SNED1: variants seen among roughly 807,000 people sequenced by gnomAD.
SNED1 encodes the protein sushi, nidogen and EGF-like domain-containing protein 1.
A neutral mutation model predicts 166.7 loss-of-function variants in SNED1; 81 were observed. The observed-to-expected ratio is 0.49, with a 90% CI of 0.41 to 0.58. SNED1 has a LOEUF of 0.58. SNED1 is among the 20% of genes least tolerant of loss of function. The pLI is 0.00. For synonymous variants in SNED1, 762 were observed against 822.0 expected (o/e 0.93, Z 1.25); for missense variants, 1,604 against 2,000.2 (o/e 0.80, Z 3.78).
chr2:241,088,114 T>C, intron 30 of SNED1: 2 of 373,696 alleles, frequency 5.4e-6, no homozygotes, highest in East Asian at 4.9e-5. Flanking sequence ...ACGTCCATCC[T>C]CTCTCTCTCT....
rs2062355458 is a variant in SNED1, at chr2:241,064,362, C to T, written c.2599+237C>T. On this transcript the variant is annotated intron_variant, in intron 19 of 31. Transcript: ENST00000310397. The surrounding 1 kb of genome is among the most constrained non-coding windows in gnomAD (Gnocchi z 7.0). ...CTCCTGCGCTCACCCCCCAGACACC[C>T]CTCTTCACCCGAGGACACACCCAGG... Among the ~76,000 whole-genome samples the T allele has an allele frequency of 6.6e-6, 1 of 152,168 alleles. No homozygotes were observed. The highest frequency in any genetic ancestry group is 1.5e-5 in the Non-Finnish European group (1 of 68,018).
At chr2:241,014,688 C>G (rs1310915577) in intron 1 of SNED1, among the ~76,000 whole-genome samples, 2 of 152,150 alleles carry the variant, frequency 1.3e-5, no homozygotes, top group African/African-American at 4.8e-5. Context: ...TCATTCTGCA[C>G]TCGTTTCATC....
chr2:241,062,820 C>T lies in SNED1; in HGVS notation c.2287C>T (p.Leu763=). The T allele has an allele frequency of 6.2e-7, 1 of 1,611,824 alleles. No homozygotes were observed. The highest frequency in any genetic ancestry group is 8.5e-7 in the Non-Finnish European group (1 of 1,179,094). ...CGATGAGTGCCGGTCTCAGCCGTGCCTGCATGGGGGCTCTTGTCAGGACCG... is the reference window on the plus strand; with the variant it reads ...CGATGAGTGCCGGTCTCAGCCGTGCTTGCATGGGGGCTCTTGTCAGGACCG... ...EIDECRSQPC[L]HGGSCQDRVA... is the part of the protein sequence containing the mutation. The change falls in exon 17 of 32, where the codon CTG becomes TTG. Residue 763 remains leucine (L), a synonymous_variant. Coordinates refer to ENST00000310397, the MANE Select transcript of SNED1 (RefSeq NM_001080437.3).
chr2:241,085,838 T>C (rs2063542676), intron 29 of SNED1, among the ~76,000 whole-genome samples: 1 of 151,062 alleles, frequency 6.6e-6, no homozygotes, highest in Non-Finnish European at 1.5e-5. Context: ...CCTAGTTCTA[T>C]GGCATGGCCT....
intron 1 of SNED1, among the ~76,000 whole-genome samples, chr2:241,016,678 A>G (rs1230436862): frequency 2.0e-5 from 3 of 152,140 alleles, no homozygotes; most frequent in Non-Finnish European, 4.4e-5. Context: ...AGAAGAGTCT[A>G]TGTGTCTCTG....
Position 241,083,034 on chromosome 2 carries a change from C to T in SNED1, c.4121+670C>T, listed in dbSNP as rs1020247831. Among the ~76,000 whole-genome samples the T allele has an allele frequency of 2.0e-5, 3 of 152,224 alleles. No individual in the cohort carries two copies. In the East Asian group the frequency reaches 5.8e-4, roughly 30 times the overall value. The stretch of plus-strand genomic sequence containing the variant: ...GCAGACCAAAGCCCTGCCTTCAGGA[C>T]CCGTTCATTGCAGATGAGGGGACAG... On this transcript the variant is annotated intron_variant, in intron 29 of 31. Coordinates refer to ENST00000310397, the MANE Select transcript of SNED1 (RefSeq NM_001080437.3).
At chr2:241,041,124 T>C (rs2061510377) in intron 8 of SNED1, 1 of 318,426 alleles carries the variant, frequency 3.1e-6, no homozygotes, top group Admixed American at 4.8e-5. Context: ...CAGAGGGTCA[T>C]GGGCCCTCCA....
At position 241,069,115 on chromosome 2, in the gene SNED1, T is replaced by C. The variant is rs1181391353; in HGVS notation, c.3307+92T>C. 2.6e-5 allele frequency: 22 copies of C among 833,518 alleles called. No homozygotes were observed. Among genetic ancestry groups the C allele is most frequent in the Non-Finnish European group, 3.8e-5 (21 of 546,024 alleles). 51.6% of individuals were successfully genotyped at this position (833,518 alleles called of 1,614,324 possible). A position where few individuals can be genotyped will look rare whatever the true frequency, so the allele number is the denominator to read the frequency against. ...GCCTCCCCTAGTCCTCTCCAAAGCG[T>C]CCACAACACCAGAAACCCAGCCCCT... On this transcript the variant is annotated intron_variant, in intron 23 of 31. Transcript: ENST00000310397. This position sits in a 1 kb window ranked among gnomAD's most constrained non-coding sequence, Gnocchi z 4.9.
chr2:241,080,727 C>T (rs532740675), intron 27 of SNED1, among the ~76,000 whole-genome samples: 52 of 152,372 alleles, frequency 3.4e-4, no homozygotes, highest in African/African-American at 1.1e-3. Context: ...CTGTGTTCAT[C>T]GTGATGCTCA....
rs1171413493 is a variant in SNED1, at chr2:241,051,580, C to A, written c.1736-164C>A. 32 of 496,138 alleles carry A rather than the reference C, an allele frequency of 6.4e-5. No homozygotes were observed. In the Admixed American group the frequency reaches 1.2e-3, roughly 18 times the overall value. 30.7% of individuals were successfully genotyped at this position (496,138 alleles called of 1,614,324 possible). On this transcript the variant is annotated intron_variant, in intron 12 of 31. Coordinates refer to ENST00000310397, the MANE Select transcript of SNED1 (RefSeq NM_001080437.3). This position sits in a 1 kb window ranked among gnomAD's most constrained non-coding sequence, Gnocchi z 4.7. ...CCTGTGAGCCCCACCCCAGCCCCCA[C>A]CATGTGTGCGGACCTGCTTGGCCCC...
chr2:241,053,109 A>G, intron 15 of SNED1, 44 bp from the exon 16 acceptor site: 1 of 1,570,280 alleles, frequency 6.4e-7, no homozygotes, highest in Non-Finnish European at 8.6e-7. Context: ...GGGAGGGGCC[A>G]GGAAGGCACA....
chr2:241,072,046 C>G (rs567575081), intron 26 of SNED1, 168 bp downstream of exon 26: 1 of 717,850 alleles, frequency 1.4e-6, no homozygotes, highest in Admixed American at 2.0e-5. Context: ...CGTGGGCCGC[C>G]GGCAGCATGC....
intron 31 of SNED1, chr2:241,090,183 G>A (rs927948073): frequency 2.0e-6 from 3 of 1,466,044 alleles, no homozygotes; most frequent in Admixed American, 5.1e-5. Context: ...TCTGTCCTTA[G>A]TGCTTTTCTC....
Position 241,073,344 on chromosome 2 carries a change from A to C in SNED1, c.3896A>C (p.His1299Pro). 1 of 1,573,096 alleles carries C rather than the reference A, an allele frequency of 6.4e-7. No individual in the cohort carries two copies. Among genetic ancestry groups the C allele is most frequent in the Non-Finnish European group, 8.6e-7 (1 of 1,160,434 alleles). Residue 1299 changes from histidine to proline, a missense_variant, in exon 27 of 32, where the codon CAC (histidine) becomes CCC (proline). Transcript: ENST00000310397. The surrounding 1 kb of genome is among the most constrained non-coding windows in gnomAD (Gnocchi z 6.6). ...AGCCTGGCCCTCCAGCTCCCTGAACACGGCAGCAAGGACATCGGAAGTGAG... is the reference window on the plus strand; with the variant it reads ...AGCCTGGCCCTCCAGCTCCCTGAACCCGGCAGCAAGGACATCGGAAGTGAG... ...RVSLALQLPEHGSKDIGNVPG... is the reference protein window; with the variant it reads ...RVSLALQLPEPGSKDIGNVPG...
chr2:241,031,642 C>T (rs1036235854), intron 2 of SNED1, among the ~76,000 whole-genome samples: 3 of 152,220 alleles, frequency 2.0e-5, no homozygotes, highest in Non-Finnish European at 4.4e-5. Flanking sequence ...CTCCTCATTG[C>T]GCCTCTCGGC....
At chr2:241,042,971 G>A (rs944739654) in intron 8 of SNED1, among the ~76,000 whole-genome samples, 1 of 152,054 alleles carries the variant, frequency 6.6e-6, no homozygotes, top group African/African-American at 2.4e-5. Context: ...TGTGAAGGAG[G>A]ATGAAGAACA....
rs1455207660 is a variant in SNED1 at position 241,093,890 on chromosome 2, A to G, written c.*2254A>G. 3 of 153,422 alleles carry G rather than the reference A, an allele frequency of 2.0e-5. No individual in the cohort carries two copies. Among genetic ancestry groups the G allele is most frequent in the South Asian group, 4.1e-4 (2 of 4,920 alleles). The allele number at this position is 153,422 out of a possible 1,614,324, so 9.5% of individuals were successfully genotyped here. ...AGAATCAGAAAACTGTCAGGAGCAT[A>G]AAGATTTCTGTATCAAAATGAAAGA... On this transcript the variant is annotated 3_prime_UTR_variant, in exon 32 of 32. Coordinates refer to ENST00000310397, the MANE Select transcript of SNED1 (RefSeq NM_001080437.3).
chr2:241,041,658 C>G (rs908455167), intron 8 of SNED1, among the ~76,000 whole-genome samples: 1 of 152,022 alleles, frequency 6.6e-6, no homozygotes, highest in African/African-American at 2.4e-5. Context: ...GCACTCCACC[C>G]TGGGTAACAG....
intron 31 of SNED1, among the ~76,000 whole-genome samples, chr2:241,089,742 G>T (rs1025695073): frequency 6.6e-6 from 1 of 152,250 alleles, no homozygotes; most frequent in African/African-American, 2.4e-5. Context: ...TGCATTCTGA[G>T]AAATGCTTTG....
Sources: allele counts gnomAD v4.1 joint callset (sites outside exome capture counted in the v4.1 genomes callset), GRCh38; gene constraint gnomAD v4.1.1; non-coding constraint Gnocchi (gnomAD v3.1); transcripts MANE v1.5; gene names NCBI Gene and HGNC (gene_info 2026-07-23, HGNC 2026-07-21).